Variants in ABLIM2 observed in about 807,000 individuals in gnomAD.
The protein encoded by ABLIM2 is actin-binding LIM protein 2.
A neutral mutation model predicts 97.7 loss-of-function variants in ABLIM2; 53 were observed. The ratio of observed to expected loss-of-function variants is 0.54; its 90% CI spans 0.44 to 0.68. ABLIM2 has a LOEUF of 0.68. Among genes scored for constraint, ABLIM2 ranks in the 30% least tolerant of loss-of-function variants. The probability of loss-of-function intolerance (pLI) is 0.00; values close to 1 mark genes in which losing one functional copy is unlikely to be tolerated. For synonymous variants in ABLIM2, 361 were observed against 345.8 expected (o/e 1.04, Z -0.49); for missense variants, 835 against 867.2 (o/e 0.96, Z 0.47).
chr4:8,063,702 C>T (rs1805001272), intron 6 of ABLIM2, among the ~76,000 whole-genome samples: 1 of 152,266 alleles, frequency 6.6e-6, no homozygotes, highest in African/African-American at 2.4e-5. Context: ...CTGGGGTGTG[C>T]ACCCCCTGCT....
At position 8,069,347 on chromosome 4, in the gene ABLIM2, G is replaced by A. The variant is rs1810199263; in HGVS notation, c.675+8281C>T. ...TTGACTAAGTTTGGGAAAGGCTAGGGCAGAATCCCGCCTGTGGATGTTCAC... is the reference window on the plus strand; with the variant it reads ...TTGACTAAGTTTGGGAAAGGCTAGGACAGAATCCCGCCTGTGGATGTTCAC... On this transcript the variant is annotated intron_variant, in intron 6 of 20. Coordinates refer to ENST00000447017, the MANE Select transcript of ABLIM2 (RefSeq NM_001130083.2). The surrounding 1 kb of genome is among the most constrained non-coding windows in gnomAD (Gnocchi z 4.2). Among the ~76,000 whole-genome samples the A allele has an allele frequency of 1.3e-5, 2 of 152,240 alleles. No individual in the cohort carries two copies. Among genetic ancestry groups the A allele is most frequent in the African/African-American group, 4.8e-5 (2 of 41,476 alleles).
rs767056081 is a variant in ABLIM2 at position 8,023,475 on chromosome 4, T to C, written c.1268-3172A>G. ...TGAGAAGGAAGCCCATGAGGTGAAG[T>C]GTCCTCACCACATCCTATCAAGGGC... On this transcript the variant is annotated intron_variant, in intron 12 of 20. Transcript: ENST00000447017. The surrounding 1 kb of genome is among the most constrained non-coding windows in gnomAD (Gnocchi z 5.7). 1.3e-5 allele frequency among the ~76,000 whole-genome samples: 2 copies of C among 152,242 alleles called. No individual in the cohort carries two copies. The highest frequency in any genetic ancestry group is 2.9e-5 in the Non-Finnish European group (2 of 68,048).
Position 8,071,979 on chromosome 4 carries a change from C to T in ABLIM2, c.675+5649G>A. ...CAGTGCCACCGCGGCGGCGGCAGCTCCCCTTCTGCGGAGCCAGGCTTGTCC... is the reference window on the plus strand; with the variant it reads ...CAGTGCCACCGCGGCGGCGGCAGCTTCCCTTCTGCGGAGCCAGGCTTGTCC... On this transcript the variant is annotated intron_variant, in intron 6 of 20. Coordinates refer to ENST00000447017, the MANE Select transcript of ABLIM2 (RefSeq NM_001130083.2). This position sits in a 1 kb window ranked among gnomAD's most constrained non-coding sequence, Gnocchi z 6.2. 1.0e-6 allele frequency: 1 copy of T among 985,530 alleles called. No homozygotes were observed. The highest frequency in any genetic ancestry group is 1.2e-6 in the Non-Finnish European group (1 of 830,030). 61.0% of individuals were successfully genotyped at this position (985,530 alleles called of 1,614,324 possible). A position where few individuals can be genotyped will look rare whatever the true frequency, so the allele number is the denominator to read the frequency against.
intron 14 of ABLIM2, among the ~76,000 whole-genome samples, chr4:8,018,823 CA>C (rs1251755040): frequency 1.3e-5 from 2 of 152,232 alleles, no homozygotes; most frequent in Admixed American, 1.3e-4. Flanking sequence ...ATCATGTGCA[CA>C]GCACTTTACA....
intron 1 of ABLIM2, among the ~76,000 whole-genome samples, chr4:8,143,323 G>A (rs1851316775): frequency 6.6e-6 from 1 of 151,988 alleles, no homozygotes; most frequent in Admixed American, 6.6e-5. Flanking sequence ...CCAAGGCTGG[G>A]TTCCCTACAC....
chr4:8,077,671 C>A lies in ABLIM2; in HGVS notation c.632G>T (p.Arg211Leu). Residue 211 changes from arginine (R) to leucine (L), a missense_variant, in exon 6 of 21, where the codon CGC (arginine) becomes CTC (leucine). Transcript: ENST00000447017. ...EADYHAKFGI[R>L]CDSCEKYITG... ...GATGTATTTCTCACAGCTGTCACAG[C>A]GGATGCCGAACTTGGCGTGATAGTC... The A allele has an allele frequency of 6.2e-7, 1 of 1,613,114 alleles. No homozygotes were observed. Among genetic ancestry groups the A allele is most frequent in the Non-Finnish European group, 8.5e-7 (1 of 1,179,498 alleles).
rs1437715294 is a variant in ABLIM2 at position 8,113,710 on chromosome 4, T to C, written c.11-7073A>G. 2.6e-5 allele frequency among the ~76,000 whole-genome samples: 4 copies of C among 152,232 alleles called. No individual in the cohort carries two copies. The East Asian group carries it at 7.7e-4, about 29-fold the overall frequency. Reference sequence around the variant, plus strand: ...CAGAAAGCTCCCCGTCTGCTGTTTGTATCATCCAAACGGCTGGCTTGGGGT... The same window carrying C: ...CAGAAAGCTCCCCGTCTGCTGTTTGCATCATCCAAACGGCTGGCTTGGGGT... On this transcript the variant is annotated intron_variant, in intron 1 of 20. Coordinates refer to ENST00000447017, the MANE Select transcript of ABLIM2 (RefSeq NM_001130083.2). This position sits in a 1 kb window ranked among gnomAD's most constrained non-coding sequence, Gnocchi z 4.5.
chr4:8,070,100 G>A (rs1810880476), intron 6 of ABLIM2, among the ~76,000 whole-genome samples: 1 of 151,780 alleles, frequency 6.6e-6, no homozygotes, highest in East Asian at 1.9e-4. Context: ...CTGTGTGTTT[G>A]TGTGTCTGCA....
At chr4:8,114,006 T>G (rs1413370974) in intron 1 of ABLIM2, among the ~76,000 whole-genome samples, 1 of 152,154 alleles carries the variant, frequency 6.6e-6, no homozygotes, top group Non-Finnish European at 1.5e-5. Flanking sequence ...GCTCAGAGGA[T>G]GGACAGGCAC....
intron 1 of ABLIM2, among the ~76,000 whole-genome samples, chr4:8,107,284 G>C (rs1010379532): frequency 2.0e-5 from 3 of 152,248 alleles, no homozygotes; most frequent in Non-Finnish European, 2.9e-5. Context: ...GGCTCCCGGG[G>C]ACCGGGCAGG....
chr4:8,084,041 G>T (rs531839797), intron 4 of ABLIM2, among the ~76,000 whole-genome samples: 41 of 152,120 alleles, frequency 2.7e-4, no homozygotes, highest in African/African-American at 8.4e-4. Flanking sequence ...GGTCAGGGGA[G>T]TAGGGGGGAG....
At chr4:8,135,468 G>C (rs1398863547) in intron 1 of ABLIM2, among the ~76,000 whole-genome samples, 1 of 152,228 alleles carries the variant, frequency 6.6e-6, no homozygotes, top group African/African-American at 2.4e-5. Flanking sequence ...GAGTGTGGAA[G>C]CTTCATGAAT....
At chr4:8,014,592 C>T (rs73092319) in intron 14 of ABLIM2, among the ~76,000 whole-genome samples, 7,079 of 152,290 alleles carry the variant, frequency 0.046, 551 homozygotes, top group African/African-American at 0.16. Flanking sequence ...TGGGCAAATC[C>T]GCTAGAATCT....
In ABLIM2 at chr4:8,147,041, C is replaced by T. The variant is rs571592221; in HGVS notation, c.10+11639G>A. ...CAGAGCATGTAACCCCTGCAATCAA[C>T]GGCTTTTTATTTCTGAAATTCATGT... On this transcript the variant is annotated intron_variant, in intron 1 of 20. Coordinates refer to ENST00000447017, the MANE Select transcript of ABLIM2 (RefSeq NM_001130083.2). This position sits in a 1 kb window ranked among gnomAD's most constrained non-coding sequence, Gnocchi z 5.3. Among the ~76,000 whole-genome samples the T allele has an allele frequency of 7.4e-4, 113 of 152,250 alleles. No individual in the cohort carries two copies. Among genetic ancestry groups the T allele is most frequent in the Admixed American group, 1.8e-3 (27 of 15,288 alleles).
intron 1 of ABLIM2, among the ~76,000 whole-genome samples, chr4:8,119,289 C>T (rs1323094125): frequency 6.9e-6 from 1 of 145,180 alleles, no homozygotes; most frequent in Non-Finnish European, 1.5e-5. Flanking sequence ...CTGGAGAGGG[C>T]GTGTAGTCTT....
At chr4:8,138,742 C>T (rs1850526501) in intron 1 of ABLIM2, among the ~76,000 whole-genome samples, 1 of 152,052 alleles carries the variant, frequency 6.6e-6, no homozygotes, top group Admixed American at 6.6e-5. Context: ...AACGTAAAAC[C>T]CAAAACAATA....
At chr4:8,084,803 C>T (rs920993708) in intron 4 of ABLIM2, among the ~76,000 whole-genome samples, 7 of 152,322 alleles carry the variant, frequency 4.6e-5, no homozygotes, top group African/African-American at 1.7e-4. Flanking sequence ...CCCACACCCA[C>T]ATCAAAGGCC....
rs866669482 is a variant in ABLIM2, at chr4:8,091,330, T to A, written c.339-3046A>T. Among the ~76,000 whole-genome samples the A allele has an allele frequency of 1.4e-3, 65 of 46,776 alleles. 4 individuals are homozygous for A. Among genetic ancestry groups the A allele is most frequent in the African/African-American group, 6.0e-3 (58 of 9,608 alleles). The allele number at this position is 46,776 out of a possible 152,430, so 30.7% of individuals were successfully genotyped here. A position where few individuals can be genotyped will look rare whatever the true frequency, so the allele number is the denominator to read the frequency against. The stretch of plus-strand genomic sequence containing the variant: ...TTATATATATATAATTATATATATA[T>A]TATATATATAATATATATATAATTA... On this transcript the variant is annotated intron_variant, in intron 3 of 20. Transcript: ENST00000447017.
intron 9 of ABLIM2, among the ~76,000 whole-genome samples, chr4:8,039,577 C>T (rs1183189629): frequency 6.6e-6 from 1 of 152,142 alleles, no homozygotes; most frequent in Non-Finnish European, 1.5e-5. Flanking sequence ...TCCTCTTTGC[C>T]TTCTTCCTTC....
Sources: gnomAD v4.1 joint callset for allele counts (sites outside exome capture counted in the v4.1 genomes callset) on GRCh38, gnomAD v4.1.1 for gene constraint, Gnocchi (gnomAD v3.1) non-coding constraint, MANE v1.5 for transcripts, NCBI Gene and HGNC (gene_info 2026-07-23, HGNC 2026-07-21) for gene names.